MCCC1: variants seen among roughly 807,000 people sequenced by gnomAD.
MCCC1 encodes methylcrotonyl-CoA carboxylase subunit 1.
In MCCC1, 64 loss-of-function variants were observed where a neutral mutation model predicts 83.8. That is an observed-to-expected ratio of 0.76 (90% CI 0.62 to 0.94). The LOEUF is 0.94. Ranked by LOEUF, MCCC1 falls within the 40% of genes least tolerant of loss-of-function variation. The pLI, the probability that MCCC1 is intolerant of heterozygous loss-of-function variation, is 0.00. For missense variants in MCCC1, 807 were observed against 904.7 expected (o/e 0.89, Z 1.39); for synonymous variants, 322 against 315.4 (o/e 1.02, Z -0.22).
upstream of MCCC1, among the ~76,000 whole-genome samples, chr3:183,102,127 G>T (rs929374326): frequency 2.0e-5 from 3 of 152,002 alleles, no homozygotes; most frequent in Admixed American, 1.3e-4. Flanking sequence ...GGGAGGCTGA[G>T]GTGGGCCTCC....
chr3:183,063,899 C>T (rs184161462), intron 7 of MCCC1, among the ~76,000 whole-genome samples: 4 of 152,212 alleles, frequency 2.6e-5, no homozygotes, highest in Admixed American at 2.6e-4. Context: ...TGCATACACC[C>T]GGGCAAAGGA....
intron 1 of MCCC1, among the ~76,000 whole-genome samples, chr3:183,106,635 A>G: frequency 6.6e-6 from 1 of 151,914 alleles, no homozygotes; most frequent in East Asian, 1.9e-4. Context: ...AGTAGCTGGG[A>G]TTGCAGGCGC....
intron 7 of MCCC1, among the ~76,000 whole-genome samples, chr3:183,058,503 T>C (rs1484869330): frequency 6.6e-6 from 1 of 152,086 alleles, no homozygotes; most frequent in East Asian, 1.9e-4. Flanking sequence ...ATGCCTGTAG[T>C]CCTAGCCACT....
At chr3:183,110,121 G>T (rs1161783827) in intron 1 of MCCC1, among the ~76,000 whole-genome samples, 1 of 152,086 alleles carries the variant, frequency 6.6e-6, no homozygotes, top group African/African-American at 2.4e-5. Flanking sequence ...GTTTAATTAA[G>T]TTCCCTATAG....
At chr3:183,021,010 A>C (rs1192512551) in intron 16 of MCCC1, among the ~76,000 whole-genome samples, 3 of 152,190 alleles carry the variant, frequency 2.0e-5, no homozygotes, top group Admixed American at 1.3e-4. Flanking sequence ...CAGTGAGCCG[A>C]GATGGCACCA....
chr3:183,015,583 C>A lies in MCCC1; in HGVS notation c.2050-17G>T. On this transcript the variant is annotated splice_polypyrimidine_tract_variant and intron_variant, in intron 18 of 18. Coordinates refer to ENST00000265594, the MANE Select transcript of MCCC1 (RefSeq NM_020166.5). ...TATGGTATGCTGCAGAGACACATGA[C>A]AGGACAAATGATAGCTGCAATACTA... is the stretch of plus-strand genomic sequence containing the variant. 6.2e-7 allele frequency: 1 copy of A among 1,614,002 alleles called. No individual in the cohort carries two copies. The highest frequency in any genetic ancestry group is 1.1e-5 in the South Asian group (1 of 91,080).
At chr3:183,113,710 A>T (rs1389225396) in intron 1 of MCCC1, among the ~76,000 whole-genome samples, 1 of 151,954 alleles carries the variant, frequency 6.6e-6, no homozygotes, top group Non-Finnish European at 1.5e-5. Context: ...CTCAAAAAAA[A>T]ATAAAAAAAA....
intron 1 of MCCC1, among the ~76,000 whole-genome samples, chr3:183,114,200 A>G (rs1307392618): frequency 6.6e-6 from 1 of 152,216 alleles, no homozygotes; most frequent in Non-Finnish European, 1.5e-5. Context: ...TAATAGTCTT[A>G]AAGCCCCTGC....
At chr3:183,052,934 TG>T (rs1715103243) in intron 8 of MCCC1, among the ~76,000 whole-genome samples, 1 of 106,686 alleles carries the variant, frequency 9.4e-6, no homozygotes, top group Non-Finnish European at 2.0e-5. Flanking sequence ...TATTTTAAAG[TG>T]TATCCCTTTT....
At chr3:183,076,910 C>G (rs958603612) in intron 4 of MCCC1, among the ~76,000 whole-genome samples, 2 of 152,172 alleles carry the variant, frequency 1.3e-5, no homozygotes, top group Non-Finnish European at 2.9e-5. Flanking sequence ...AACCCCCAGC[C>G]CTAGGCAACT....
At chr3:183,113,911 C>A (rs538534712) in intron 1 of MCCC1, among the ~76,000 whole-genome samples, 1 of 152,122 alleles carries the variant, frequency 6.6e-6, no homozygotes, top group African/African-American at 2.4e-5. Flanking sequence ...GGGTGGGGAG[C>A]TGTCTTGGGG....
intron 4 of MCCC1, among the ~76,000 whole-genome samples, chr3:183,085,244 A>G (rs1310003660): frequency 6.6e-6 from 1 of 152,108 alleles, no homozygotes; most frequent in South Asian, 2.1e-4. Flanking sequence ...CCCCACTTCA[A>G]TCATCCATTT....
At chr3:183,097,189 G>A (rs1312387117) in intron 1 of MCCC1, among the ~76,000 whole-genome samples, 1 of 151,924 alleles carries the variant, frequency 6.6e-6, no homozygotes, top group African/African-American at 2.4e-5. Flanking sequence ...GCAGTGAGCC[G>A]AGATTGCGCC....
chr3:183,057,233 T>A lies in MCCC1; in HGVS notation c.873+78A>T. On this transcript the variant is annotated intron_variant, in intron 8 of 18. Coordinates refer to ENST00000265594, the MANE Select transcript of MCCC1 (RefSeq NM_020166.5). ...GTTTGAGGGGTGAGAGACACCAGAT[T>A]CACAGATTTCTGATGTGAAAATCAG... The A allele has an allele frequency of 5.1e-6, 6 of 1,183,652 alleles. No homozygotes were observed. The South Asian group carries it at 6.5e-5, about 13-fold the overall frequency. 73.3% of individuals were successfully genotyped at this position (1,183,652 alleles called of 1,614,324 possible). A position where few individuals can be genotyped will look rare whatever the true frequency, so the allele number is the denominator to read the frequency against.
At chr3:183,100,326 T>C (rs113014114), upstream of MCCC1, among the ~76,000 whole-genome samples, 18 of 152,292 alleles carry the variant, frequency 1.2e-4, 1 homozygote, top group African/African-American at 4.3e-4. Flanking sequence ...TTTATCAAAA[T>C]AGATCCTGGA....
In MCCC1 at chr3:183,092,423, T is replaced by C. The variant is rs1214601221; in HGVS notation, c.259A>G (p.Met87Val). Residue 87 changes from methionine (M) to valine (V), a missense_variant, in exon 3 of 19, where the codon ATG becomes GTG. Coordinates refer to ENST00000265594, the MANE Select transcript of MCCC1 (RefSeq NM_020166.5). ...AVYSEADRNS[M>V]HVDMADEAYS... is the part of the protein sequence containing the mutation. ...TTAACACATACCATATCTACATGCATGGAATTTCTGTCAGCCTCACTATAA... is the reference window on the plus strand; with the variant it reads ...TTAACACATACCATATCTACATGCACGGAATTTCTGTCAGCCTCACTATAA... 2.5e-6 allele frequency: 4 copies of C among 1,614,092 alleles called. No homozygotes were observed. The African/African-American group carries it at 4.0e-5, about 16-fold the overall frequency.
chr3:183,025,352 C>A (rs574152331), intron 15 of MCCC1, among the ~76,000 whole-genome samples: 1 of 152,240 alleles, frequency 6.6e-6, no homozygotes, highest in South Asian at 2.1e-4. Context: ...GTTAAATTGT[C>A]TAAATGGTAA....
chr3:183,107,589 C>A (rs1719428041), intron 1 of MCCC1, among the ~76,000 whole-genome samples: 1 of 151,816 alleles, frequency 6.6e-6, no homozygotes, highest in East Asian at 1.9e-4. Context: ...GTCACCCAGG[C>A]TGGAGTGCAG....
At chr3:183,024,257 A>G (rs1712399617) in intron 15 of MCCC1, among the ~76,000 whole-genome samples, 1 of 151,918 alleles carries the variant, frequency 6.6e-6, no homozygotes, top group African/African-American at 2.4e-5. Context: ...TCTCAAAACA[A>G]AAAAAAAGAA....
Sources: allele counts gnomAD v4.1 joint callset (sites outside exome capture counted in the v4.1 genomes callset), GRCh38; gene constraint gnomAD v4.1.1; transcripts MANE v1.5; gene names NCBI Gene and HGNC (gene_info 2026-07-23, HGNC 2026-07-21).